The following GTF3C3 variants were observed in gnomAD, a reference collection of about 807,000 sequenced individuals.
GTF3C3 encodes general transcription factor 3C polypeptide 3.
A neutral mutation model predicts 105.2 loss-of-function variants in GTF3C3; 75 were observed. The ratio of observed to expected loss-of-function variants is 0.71; its 90% confidence interval spans 0.59 to 0.86. The LOEUF is 0.86. GTF3C3 is among the 40% of genes least tolerant of loss of function. The pLI, the probability that GTF3C3 is intolerant of heterozygous loss-of-function variation, is 0.00. For missense variants in GTF3C3, 856 were observed against 1,076.5 expected (o/e 0.80, Z 2.87); for synonymous variants, 335 against 370.4 (o/e 0.90, Z 1.10).
At position 196,766,296 on chromosome 2, in the gene GTF3C3, T is replaced by C. The variant is rs138820407; in HGVS notation, c.2538+269A>G. Among the ~76,000 whole-genome samples, 165 of 152,238 alleles carry C rather than the reference T, an allele frequency of 1.1e-3. No homozygotes were observed. The East Asian group carries it at 0.019, about 18-fold the overall frequency. On this transcript the variant is annotated intron_variant, in intron 17 of 17. Transcript: ENST00000263956. ...TTCTTCACTATTCAGAGGTTACGTC[T>C]ACCAGTTCCTGTCTGTAAAGCACAG...
At position 196,799,672 on chromosome 2, in the gene GTF3C3, C is replaced by T; in HGVS notation, c.-61G>A. The stretch of plus-strand genomic sequence containing the variant: ...GGACAGAGAACCGGAAGAGCAGCGC[C>T]TTCCAGAAGCTACCTCGCCGGGGCC... On this transcript the variant is annotated 5_prime_UTR_variant, in exon 1 of 18. Transcript: ENST00000263956. 8.3e-7 allele frequency: 1 copy of T among 1,211,234 alleles called. No individual in the cohort carries two copies. The highest frequency in any genetic ancestry group is 1.2e-5 in the South Asian group (1 of 81,474). The allele number at this position is 1,211,234 out of a possible 1,614,324, so 75.0% of individuals were successfully genotyped here.
rs754920563 is a variant in GTF3C3, at chr2:196,776,620, T to C, written c.1400A>G (p.Lys467Arg). The C allele has an allele frequency of 6.2e-7, 1 of 1,610,356 alleles. No homozygotes were observed. The highest frequency in any genetic ancestry group is 8.5e-7 in the Non-Finnish European group (1 of 1,176,930). Residue 467 changes from lysine (K) to arginine (R), a missense_variant, in exon 11 of 18, where the codon AAG becomes AGG. Around this residue, in one of 3 missense-constraint regions of GTF3C3, gnomAD observed 605 missense variants for 833.6 expected, o/e 0.73. Coordinates refer to ENST00000263956, the MANE Select transcript of GTF3C3 (RefSeq NM_012086.5). The surrounding 1 kb of genome is among the most constrained non-coding windows in gnomAD (Gnocchi z 4.5). Reference sequence around the variant, plus strand: ...AGCTCGCTCCATATAGCCTAAGGCCTTTAAACATTCTAAGATGATGTTAAA... The same window carrying C: ...AGCTCGCTCCATATAGCCTAAGGCCCTTAAACATTCTAAGATGATGTTAAA... Reference protein sequence around the residue: ...VVWLRHAECLKALGYMERAAE... With the variant: ...VVWLRHAECLRALGYMERAAE...
rs753677793 is a variant in GTF3C3, at chr2:196,763,504, CAATAT to C, written c.*1054_*1058del. 1 of 152,174 alleles carries C rather than the reference CAATAT, an allele frequency of 6.6e-6. No individual in the cohort carries two copies. The highest frequency in any genetic ancestry group is 1.5e-5 in the Non-Finnish European group (1 of 68,036). The allele number at this position is 152,174 out of a possible 1,614,324, so 9.4% of individuals were successfully genotyped here. A position where few individuals can be genotyped will look rare whatever the true frequency, so the allele number is the denominator to read the frequency against. On this transcript the variant is annotated 3_prime_UTR_variant, in exon 18 of 18. Coordinates refer to ENST00000263956, the MANE Select transcript of GTF3C3 (RefSeq NM_012086.5). ...ATTTAAATTATACACATGGAGTATA[CAATAT>C]ATTTACTTATTGCATACAAATTCTG... is the stretch of plus-strand genomic sequence containing the variant.
intron 17 of GTF3C3, among the ~76,000 whole-genome samples, chr2:196,765,817 T>C (rs1270291959): frequency 6.6e-6 from 1 of 151,718 alleles, no homozygotes; most frequent in Non-Finnish European, 1.5e-5. Context: ...GAGACCATCC[T>C]GGTTAACATG....
At chr2:196,785,842 C>A (rs1699445276) in intron 6 of GTF3C3, among the ~76,000 whole-genome samples, 1 of 152,084 alleles carries the variant, frequency 6.6e-6, no homozygotes, top group African/African-American at 2.4e-5. Flanking sequence ...CCTATGTAAT[C>A]CAATACCAAC....
intron 10 of GTF3C3, chr2:196,778,652 G>A: frequency 1.9e-6 from 1 of 518,530 alleles, no homozygotes; most frequent in South Asian, 2.2e-5. Context: ...GTTCAAGACA[G>A]GCATCTAAGG....
At chr2:196,765,860 A>C (rs1054287266) in intron 17 of GTF3C3, among the ~76,000 whole-genome samples, 9 of 151,688 alleles carry the variant, frequency 5.9e-5, no homozygotes, top group Non-Finnish European at 1.0e-4. Context: ...AATACAAAAA[A>C]TTAGCTGGGC....
At chr2:196,779,132 T>C in intron 9 of GTF3C3, 65 bp from the exon 10 acceptor site, 20 of 749,416 alleles carry the variant, frequency 2.7e-5, no homozygotes, top group Non-Finnish European at 3.8e-5. Context: ...ATCTATAGCT[T>C]TTTTTTTTTT....
At chr2:196,790,468 T>G (rs1438221100) in intron 4 of GTF3C3, among the ~76,000 whole-genome samples, 1 of 152,154 alleles carries the variant, frequency 6.6e-6, no homozygotes, top group Non-Finnish European at 1.5e-5. Context: ...ATGGTATGAA[T>G]GAACAGATGA....
At position 196,772,972 on chromosome 2, in the gene GTF3C3, A is replaced by G. The variant is rs373974509; in HGVS notation, c.2013T>C (p.Phe671=). 8.1e-6 allele frequency: 13 copies of G among 1,608,630 alleles called. No individual in the cohort carries two copies. The highest frequency in any genetic ancestry group is 2.2e-5 in the East Asian group (1 of 44,836). ...DRQKRKELEY[F]GLSAAILDKN... ...TGTCCAGAATTGCAGCAGACAGACCAAAGTATTCTAGTTCTTTGCGTTTTT... is the reference window on the plus strand; with the variant it reads ...TGTCCAGAATTGCAGCAGACAGACCGAAGTATTCTAGTTCTTTGCGTTTTT... Residue 671 remains phenylalanine (F), a synonymous_variant, in exon 14 of 18, where the codon TTT becomes TTC. Coordinates refer to ENST00000263956, the MANE Select transcript of GTF3C3 (RefSeq NM_012086.5).
intron 15 of GTF3C3, among the ~76,000 whole-genome samples, chr2:196,770,613 A>G (rs1270497341): frequency 6.6e-6 from 1 of 152,254 alleles, no homozygotes; most frequent in Non-Finnish European, 1.5e-5. Context: ...CCATATATAC[A>G]ATCATCTCTT....
At chr2:196,774,956 T>C (rs1699237490) in intron 13 of GTF3C3, 160 bp downstream of exon 13, 1 of 475,830 alleles carries the variant, frequency 2.1e-6, no homozygotes, top group Admixed American at 4.1e-5. Flanking sequence ...CCTTTCCTTT[T>C]TAACATCGAA....
In GTF3C3 at chr2:196,764,595, G is replaced by C. The variant is rs746793388; in HGVS notation, c.2629C>G (p.Gln877Glu). ...YQSSGNTGMA[Q>E]TLLYTYCSI The stretch of plus-strand genomic sequence containing the variant: ...GAACAATAGGTATACAAAAGCGTTT[G>C]AGCCATTCCGGTATTCCCACTGCTC... The change falls in exon 18 of 18, where the codon CAA becomes GAA. Residue 877 changes from glutamine (Q) to glutamate (E), a missense_variant. Physicochemically the swap from Gln to Glu is conservative, Grantham distance 29. Transcript: ENST00000263956. The C allele has an allele frequency of 1.2e-6, 2 of 1,613,906 alleles. No individual in the cohort carries two copies. Among genetic ancestry groups the C allele is most frequent in the Non-Finnish European group, 1.7e-6 (2 of 1,179,842 alleles).
intron 8 of GTF3C3, chr2:196,780,970 T>C (rs920475230): frequency 1.2e-4 from 23 of 188,200 alleles, no homozygotes; most frequent in African/African-American, 5.1e-4. Context: ...TTTTCTTGAA[T>C]TGAAAAGTCT....
intron 8 of GTF3C3, 169 bp from the exon 9 acceptor site, chr2:196,780,831 G>T: frequency 1.4e-6 from 1 of 703,590 alleles, no homozygotes; most frequent in Non-Finnish European, 2.1e-6. Context: ...TCCTTTGGTA[G>T]CAAGTATGCT....
At chr2:196,777,478 A>G (rs1354819926) in intron 10 of GTF3C3, among the ~76,000 whole-genome samples, 1 of 152,200 alleles carries the variant, frequency 6.6e-6, no homozygotes, top group Non-Finnish European at 1.5e-5. Flanking sequence ...AGTCTCTGTG[A>G]GCATTTCTTC....
chr2:196,784,747 G>A, intron 8 of GTF3C3, 110 bp downstream of exon 8: 1 of 1,286,226 alleles, frequency 7.8e-7, no homozygotes, highest in Middle Eastern at 2.1e-4. Flanking sequence ...CTTATTATGA[G>A]AACATTAACT....
rs1188247701 is a variant in GTF3C3 at position 196,763,763 on chromosome 2, T to TAATA, written c.*796_*799dup. ...CTGTTAACTTAAATTCAAGAACATATAATAAATAGTGGAGATGAGTAAACA... is the reference window on the plus strand; with the variant it reads ...CTGTTAACTTAAATTCAAGAACATATAATAAATAAATAGTGGAGATGAGTAAACA... On this transcript the variant is annotated 3_prime_UTR_variant, in exon 18 of 18. Transcript: ENST00000263956. 6.6e-6 allele frequency: 1 copy of TAATA among 152,200 alleles called. No individual in the cohort carries two copies. Among genetic ancestry groups the TAATA allele is most frequent in the African/African-American group, 2.4e-5 (1 of 41,450 alleles). The allele number at this position is 152,200 out of a possible 1,614,324, so 9.4% of individuals were successfully genotyped here. A position where few individuals can be genotyped will look rare whatever the true frequency, so the allele number is the denominator to read the frequency against.
Position 196,763,724 on chromosome 2 carries a change from T to C in GTF3C3, c.*839A>G, listed in dbSNP as rs1043522671. 1 of 152,216 alleles carries C rather than the reference T, an allele frequency of 6.6e-6. No homozygotes were observed. The highest frequency in any genetic ancestry group is 2.4e-5 in the African/African-American group (1 of 41,458). The allele number at this position is 152,216 out of a possible 1,614,324, so 9.4% of individuals were successfully genotyped here. ...AAGTTGTTATTAAGCTAACAGTATA[T>C]CATCTAAAAAGTACTGTTAACTTAA... On this transcript the variant is annotated 3_prime_UTR_variant, in exon 18 of 18. Transcript: ENST00000263956.
Sources: gnomAD v4.1 joint callset for allele counts (sites outside exome capture counted in the v4.1 genomes callset) on GRCh38, gnomAD v4.1.1 for gene constraint, gnomAD v4.1.1 regional missense constraint, Gnocchi (gnomAD v3.1) non-coding constraint, MANE v1.5 for transcripts, NCBI Gene and HGNC (gene_info 2026-07-23, HGNC 2026-07-21) for gene names.